The following CMIP variants were observed in gnomAD, a reference collection of about 807,000 sequenced individuals.
CMIP encodes C-Maf-inducing protein.
In CMIP, 13 loss-of-function variants were observed where a neutral mutation model predicts 97.3. That is an observed-to-expected ratio of 0.13 (90% confidence interval 0.09 to 0.21). CMIP has a LOEUF of 0.21. CMIP is among the 10% of genes least tolerant of loss of function. The probability of loss-of-function intolerance (pLI) is 1.00; values close to 1 mark genes in which losing one functional copy is unlikely to be tolerated. For synonymous variants in CMIP, 538 were observed against 436.3 expected (o/e 1.23, Z -2.91); for missense variants, 847 against 1,024.9 (o/e 0.83, Z 2.37).
chr16:81,614,162 G>A lies in CMIP; in HGVS notation c.426+6470G>A, dbSNP rs923262068. 6.6e-6 allele frequency among the ~76,000 whole-genome samples: 1 copy of A among 152,314 alleles called. No homozygotes were observed. Among genetic ancestry groups the A allele is most frequent in the African/African-American group, 2.4e-5 (1 of 41,564 alleles). On this transcript the variant is annotated intron_variant, in intron 2 of 20. Coordinates refer to ENST00000537098, the MANE Select transcript of CMIP (RefSeq NM_198390.3). The surrounding 1 kb of genome is among the most constrained non-coding windows in gnomAD (Gnocchi z 5.3). ...TGAAGTGTAAGTAGGAGTCCAGCGGGCAGCGGAGAGAAGGGGGTGACAGCA... is the reference window on the plus strand; with the variant it reads ...TGAAGTGTAAGTAGGAGTCCAGCGGACAGCGGAGAGAAGGGGGTGACAGCA...
chr16:81,586,682 C>G (rs779242899), intron 1 of CMIP, among the ~76,000 whole-genome samples: 6 of 152,198 alleles, frequency 3.9e-5, no homozygotes, highest in African/African-American at 1.4e-4. Context: ...ACTCAAACAT[C>G]GCATACTCTC....
intron 18 of CMIP, 56 bp downstream of exon 18, chr16:81,704,141 T>A: frequency 6.9e-7 from 1 of 1,454,972 alleles, no homozygotes; most frequent in Admixed American, 2.0e-5. Context: ...ACCTCTGCAC[T>A]CTCCTCCCTA....
intron 1 of CMIP, among the ~76,000 whole-genome samples, chr16:81,477,005 T>TC (rs1468699555): frequency 6.6e-6 from 1 of 152,016 alleles, no homozygotes; most frequent in Admixed American, 6.6e-5. Flanking sequence ...TCTTTGGGCT[T>TC]CATCTATAGT....
chr16:81,669,393 ACACT>A (rs1222320073), intron 7 of CMIP, among the ~76,000 whole-genome samples: 2 of 67,422 alleles, frequency 3.0e-5, no homozygotes, highest in African/African-American at 9.6e-5. Flanking sequence ...CCCACCTCTC[ACACT>A]CACCTCCTTC....
In CMIP at chr16:81,614,829, G is replaced by T. The variant is rs960430152; in HGVS notation, c.427-6047G>T. On this transcript the variant is annotated intron_variant, in intron 2 of 20. Coordinates refer to ENST00000537098, the MANE Select transcript of CMIP (RefSeq NM_198390.3). The surrounding 1 kb of genome is among the most constrained non-coding windows in gnomAD (Gnocchi z 5.3). ...GTGTTTATATGTGGTATGTATATGT[G>T]TATACGGTGTGTATGCACATGTATC... Among the ~76,000 whole-genome samples the T allele has an allele frequency of 3.3e-5, 5 of 151,300 alleles. No homozygotes were observed. The highest frequency in any genetic ancestry group is 1.2e-4 in the African/African-American group (5 of 41,114).
chr16:81,589,631 G>A (rs2150917240), intron 1 of CMIP, among the ~76,000 whole-genome samples: 1 of 152,252 alleles, frequency 6.6e-6, no homozygotes, highest in South Asian at 2.1e-4. Context: ...TCCCAAAGCA[G>A]TCCCCTGAGC....
chr16:81,613,666 T>G (rs188065260), intron 2 of CMIP, among the ~76,000 whole-genome samples: 114 of 152,344 alleles, frequency 7.5e-4, no homozygotes, highest in African/African-American at 2.7e-3. Context: ...TTTTAGAGTC[T>G]TAGTCAAATA....
chr16:81,694,887 G>A (rs540872980), intron 13 of CMIP, among the ~76,000 whole-genome samples: 1 of 152,272 alleles, frequency 6.6e-6, no homozygotes, highest in East Asian at 1.9e-4. Context: ...GAGAAACGGT[G>A]GATATGGTGC....
intron 1 of CMIP, among the ~76,000 whole-genome samples, chr16:81,596,984 GTAGACCA>G (rs1286735890): frequency 6.6e-6 from 1 of 152,148 alleles, no homozygotes; most frequent in Non-Finnish European, 1.5e-5. Context: ...GTGCATAGTT[GTAGACCA>G]TACATTCTCA....
chr16:81,568,158 T>C (rs1016900224), intron 1 of CMIP, among the ~76,000 whole-genome samples: 3 of 151,684 alleles, frequency 2.0e-5, no homozygotes, highest in African/African-American at 2.4e-5. Flanking sequence ...GCACCTTTGA[T>C]GGGAGAATCC....
rs147338352 is a variant in CMIP at position 81,667,442 on chromosome 16, A to G, written c.826-2700A>G. Among the ~76,000 whole-genome samples, 43 of 152,300 alleles carry G rather than the reference A, an allele frequency of 2.8e-4. No individual in the cohort carries two copies. In the East Asian group the frequency reaches 7.7e-3, roughly 27 times the overall value. ...TGTGGTCCCCAGTGGACCGTCAAGT[A>G]ACCTAACCTCCAGTTTTCCAAGGGG... On this transcript the variant is annotated intron_variant, in intron 7 of 20. Coordinates refer to ENST00000537098, the MANE Select transcript of CMIP (RefSeq NM_198390.3).
At chr16:81,604,396 CAA>C (rs886259734) in intron 1 of CMIP, among the ~76,000 whole-genome samples, 26 of 58,666 alleles carry the variant, frequency 4.4e-4, no homozygotes, top group African/African-American at 1.0e-3. Flanking sequence ...AACTCTGTCT[CAA>C]AAAAAAAAAA....
Position 81,525,930 on chromosome 16 carries a change from A to C in CMIP, c.300+80389A>C, listed in dbSNP as rs59781615. Among the ~76,000 whole-genome samples, 512 of 152,144 alleles carry C rather than the reference A, an allele frequency of 3.4e-3. 2 individuals are homozygous for C. The highest frequency in any genetic ancestry group is 9.5e-3 in the African/African-American group (395 of 41,456). ...TGCTCTCAAGGTTCACCCATATTGT[A>C]GCATGTATCAGAATCCTTTTTTTTG... is the stretch of plus-strand genomic sequence containing the variant. On this transcript the variant is annotated intron_variant, in intron 1 of 20. Transcript: ENST00000537098.
intron 1 of CMIP, among the ~76,000 whole-genome samples, chr16:81,601,318 G>A (rs952260160): frequency 6.6e-6 from 1 of 152,162 alleles, no homozygotes; most frequent in Non-Finnish European, 1.5e-5. Context: ...AAACCAGCAG[G>A]CAGGTTTGGG....
chr16:81,632,229 A>G (rs1326097983), intron 3 of CMIP, among the ~76,000 whole-genome samples: 3 of 152,332 alleles, frequency 2.0e-5, no homozygotes, highest in South Asian at 2.1e-4. Flanking sequence ...TTTAACAAAA[A>G]TAAAATGCAC....
At chr16:81,484,838 C>T (rs1008090994) in intron 1 of CMIP, among the ~76,000 whole-genome samples, 2 of 152,090 alleles carry the variant, frequency 1.3e-5, no homozygotes, top group African/African-American at 4.8e-5. Flanking sequence ...TCTTGGCTTC[C>T]TTATTCCTCT....
At chr16:81,683,087 C>T (rs1010283437) in intron 10 of CMIP, among the ~76,000 whole-genome samples, 4 of 152,288 alleles carry the variant, frequency 2.6e-5, no homozygotes, top group East Asian at 1.9e-4. Context: ...TTGTTGTATA[C>T]CTACGCCAGG....
At chr16:81,488,002 C>T (rs141013720) in intron 1 of CMIP, among the ~76,000 whole-genome samples, 1 of 152,118 alleles carries the variant, frequency 6.6e-6, no homozygotes, top group African/African-American at 2.4e-5. Flanking sequence ...CTGGCAGCCT[C>T]GCATCTTACT....
intron 9 of CMIP, among the ~76,000 whole-genome samples, chr16:81,673,137 T>C (rs550370903): frequency 1.6e-4 from 24 of 151,864 alleles, no homozygotes; most frequent in African/African-American, 5.6e-4. Context: ...AAGACCAGGA[T>C]TTGGGTGGAA....
Sources: gnomAD v4.1 joint callset for allele counts (sites outside exome capture counted in the v4.1 genomes callset) on GRCh38, gnomAD v4.1.1 for gene constraint, Gnocchi (gnomAD v3.1) non-coding constraint, MANE v1.5 for transcripts, NCBI Gene and HGNC (gene_info 2026-07-23, HGNC 2026-07-21) for gene names.